RNF38: variants seen among roughly 807,000 people sequenced by gnomAD.
The protein encoded by RNF38 is E3 ubiquitin-protein ligase RNF38.
A neutral mutation model predicts 67.2 loss-of-function variants in RNF38; 15 were observed. That is an observed-to-expected ratio of 0.22 (90% confidence interval 0.15 to 0.34). RNF38 has a LOEUF of 0.34. Among genes scored for constraint, RNF38 ranks in the 10% least tolerant of loss-of-function variants. The probability of loss-of-function intolerance (pLI) is 1.00; values close to 1 mark genes in which losing one functional copy is unlikely to be tolerated. For synonymous variants in RNF38, 220 were observed against 218.8 expected (o/e 1.01, Z -0.05); for missense variants, 524 against 639.9 (o/e 0.82, Z 1.95).
At chr9:36,343,060 C>T (rs1832963343) in intron 10 of RNF38, among the ~76,000 whole-genome samples, 1 of 151,986 alleles carries the variant, frequency 6.6e-6, no homozygotes, top group African/African-American at 2.4e-5. Flanking sequence ...ATACTTAATA[C>T]AATGTAAGTG....
intron 1 of RNF38, among the ~76,000 whole-genome samples, chr9:36,484,301 T>A (rs913291719): frequency 6.6e-6 from 1 of 152,042 alleles, no homozygotes; most frequent in Non-Finnish European, 1.5e-5. Flanking sequence ...ATAAAAGTCA[T>A]CCACTGCAAA....
intron 1 of RNF38, among the ~76,000 whole-genome samples, chr9:36,476,286 T>G (rs1478107740): frequency 6.6e-6 from 1 of 151,740 alleles, no homozygotes; most frequent in Non-Finnish European, 1.5e-5. Flanking sequence ...GCCTGGCTAA[T>G]TTTTGTATTT....
intron 2 of RNF38, among the ~76,000 whole-genome samples, chr9:36,418,169 C>A (rs1387751789): frequency 6.6e-6 from 1 of 151,694 alleles, no homozygotes; most frequent in Non-Finnish European, 1.5e-5. Flanking sequence ...GCTAGGACCA[C>A]AGGTGTGTAC....
intron 1 of RNF38, among the ~76,000 whole-genome samples, chr9:36,458,462 T>C (rs1839644668): frequency 6.6e-6 from 1 of 152,226 alleles, no homozygotes; most frequent in African/African-American, 2.4e-5. Context: ...TCTTTGGGTC[T>C]GCACTACCTT....
At chr9:36,360,486 C>G (rs1834446766) in intron 4 of RNF38, among the ~76,000 whole-genome samples, 1 of 152,150 alleles carries the variant, frequency 6.6e-6, no homozygotes, top group African/African-American at 2.4e-5. Flanking sequence ...CTGCATTATA[C>G]TTACCAATTT....
chr9:36,393,522 TGG>T (rs563686874), intron 1 of RNF38, among the ~76,000 whole-genome samples: 24,986 of 123,112 alleles, frequency 0.2, 2,904 homozygotes, highest in Non-Finnish European at 0.27. Flanking sequence ...TGTGTGTGTG[TGG>T]GGCAGGCAGT....
At chr9:36,453,636 G>A (rs187868187) in intron 1 of RNF38, among the ~76,000 whole-genome samples, 1 of 152,054 alleles carries the variant, frequency 6.6e-6, no homozygotes, top group Non-Finnish European at 1.5e-5. Context: ...CACTGCCTTG[G>A]CCTCCCAAAG....
At chr9:36,391,854 CCG>C (rs1837123261) in intron 1 of RNF38, among the ~76,000 whole-genome samples, 1 of 152,182 alleles carries the variant, frequency 6.6e-6, no homozygotes, top group African/African-American at 2.4e-5. Context: ...ACCTCGTGAT[CCG>C]TCCGCCTCGG....
intron 9 of RNF38, among the ~76,000 whole-genome samples, chr9:36,345,406 T>C (rs1220960696): frequency 1.3e-5 from 2 of 152,164 alleles, no homozygotes; most frequent in African/African-American, 4.8e-5. Context: ...GTTAGTAACT[T>C]TGACCCTGTG....
intron 1 of RNF38, among the ~76,000 whole-genome samples, chr9:36,458,176 G>A (rs1411044469): frequency 6.6e-6 from 1 of 152,170 alleles, no homozygotes. Context: ...TCTGGGTCGG[G>A]TGGGGACTTG....
At chr9:36,400,280 A>G, upstream of RNF38, 59 of 1,312,076 alleles carry the variant, frequency 4.5e-5, no homozygotes, top group Non-Finnish European at 5.8e-5. Flanking sequence ...GCCAGAGAGG[A>G]CCCTTTCGAC....
intron 2 of RNF38, among the ~76,000 whole-genome samples, chr9:36,411,567 A>T (rs1017947712): frequency 1.3e-5 from 2 of 151,860 alleles, no homozygotes; most frequent in African/African-American, 4.8e-5. Context: ...TTACAATGAC[A>T]TTTTTTTTCC....
chr9:36,356,651 G>C (rs1834125920), intron 5 of RNF38, among the ~76,000 whole-genome samples, 178 bp from the exon 6 acceptor site: 1 of 148,888 alleles, frequency 6.7e-6, no homozygotes. Flanking sequence ...GTAAAGTAAT[G>C]GTACTAATAA....
intron 1 of RNF38, among the ~76,000 whole-genome samples, chr9:36,450,294 G>A (rs1365973531): frequency 6.6e-6 from 1 of 151,932 alleles, no homozygotes; most frequent in African/African-American, 2.4e-5. Context: ...TTCTCAAAAG[G>A]CTTAATAACT....
At chr9:36,465,866 C>T (rs1449735984) in intron 1 of RNF38, among the ~76,000 whole-genome samples, 1 of 151,866 alleles carries the variant, frequency 6.6e-6, no homozygotes, top group East Asian at 2.0e-4. Flanking sequence ...CTGGCTAACA[C>T]GGTGAAACCC....
chr9:36,348,672 G>A (rs1015969128), intron 9 of RNF38, among the ~76,000 whole-genome samples: 1 of 152,216 alleles, frequency 6.6e-6, no homozygotes, highest in Non-Finnish European at 1.5e-5. Flanking sequence ...GTTGAGAGAG[G>A]TGAGGAAGCT....
chr9:36,365,562 A>C (rs1834877170), intron 4 of RNF38, among the ~76,000 whole-genome samples: 1 of 152,092 alleles, frequency 6.6e-6, no homozygotes, highest in Non-Finnish European at 1.5e-5. Context: ...AAGAAGAGCG[A>C]AACTCTGTCT....
chr9:36,426,606 T>C (rs1438798917), intron 1 of RNF38, among the ~76,000 whole-genome samples: 1 of 152,258 alleles, frequency 6.6e-6, no homozygotes, highest in African/African-American at 2.4e-5. Flanking sequence ...TATAAGTTTT[T>C]GTGTGAACGT....
At chr9:36,376,962 A>G (rs1835837381) in intron 2 of RNF38, among the ~76,000 whole-genome samples, 1 of 152,050 alleles carries the variant, frequency 6.6e-6, no homozygotes, top group Non-Finnish European at 1.5e-5. Context: ...CATGGATAAA[A>G]TAAGATTTAT....
Sources: allele counts gnomAD v4.1 joint callset (sites outside exome capture counted in the v4.1 genomes callset), GRCh38; gene constraint gnomAD v4.1.1; transcripts MANE v1.5; gene names NCBI Gene and HGNC (gene_info 2026-07-23, HGNC 2026-07-21).